LNPEP: variants seen among roughly 807,000 people sequenced by gnomAD.
LNPEP encodes the protein leucyl and cystinyl aminopeptidase, also known as leucyl-cystinyl aminopeptidase.
LNPEP carries 64 observed loss-of-function variants against 120.6 expected under a neutral mutation model. That is an observed-to-expected ratio of 0.53 (90% CI 0.43 to 0.65). The LOEUF is 0.65. Among genes scored for constraint, LNPEP ranks in the 30% least tolerant of loss-of-function variants. The pLI, the probability that LNPEP is intolerant of heterozygous loss-of-function variation, is 0.00. For missense variants in LNPEP, 1,057 were observed against 1,200.0 expected (o/e 0.88, Z 1.76); for synonymous variants, 435 against 425.4 (o/e 1.02, Z -0.28).
At chr5:96,937,043 A>C (rs1788917477) in intron 1 of LNPEP, 1 of 152,172 alleles carries the variant, frequency 6.6e-6, no homozygotes, top group Admixed American at 6.5e-5. Flanking sequence ...TGCGGTGTTG[A>C]GTGTGTGGAT....
At chr5:96,963,716 T>G (rs955229709) in intron 1 of LNPEP, among the ~76,000 whole-genome samples, 2 of 152,206 alleles carry the variant, frequency 1.3e-5, no homozygotes, top group African/African-American at 2.4e-5. Flanking sequence ...AATTGGAGAT[T>G]AATAGCAAAT....
At chr5:96,954,705 TATATACAC>T (rs1337295235) in intron 1 of LNPEP, among the ~76,000 whole-genome samples, 6 of 106,220 alleles carry the variant, frequency 5.6e-5, no homozygotes, top group Admixed American at 9.9e-5. Flanking sequence ...CATATATACA[TATATACAC>T]ATATATATAC....
chr5:97,003,471 T>C lies in LNPEP; in HGVS notation c.1710T>C (p.His570=). 6.2e-7 allele frequency: 1 copy of C among 1,602,932 alleles called. No individual in the cohort carries two copies. Among genetic ancestry groups the C allele is most frequent in the Non-Finnish European group, 8.5e-7 (1 of 1,171,592 alleles). ...KTYLSEDVFQ[H]AVVLYLHNHS... ...ACCTTAGTGAAGATGTGTTTCAACA[T>C]GCTGTTGTCCTTTACCTGCATAATC... Residue 570 remains histidine, a synonymous_variant, in exon 9 of 18, where the codon CAT becomes CAC. Coordinates refer to ENST00000231368, the MANE Select transcript of LNPEP (RefSeq NM_005575.3).
In LNPEP at chr5:97,035,810, T is replaced by C. The variant is rs1032970834; in HGVS notation, c.*7277T>C. ...TATTAATGTAACTAATAGCAACAGG[T>C]GTGCAGCAGATAAGACAGGAGAAGA... On this transcript the variant is annotated 3_prime_UTR_variant, in exon 18 of 18. Transcript: ENST00000231368. 6.6e-6 allele frequency: 1 copy of C among 152,082 alleles called. No individual in the cohort carries two copies. The highest frequency in any genetic ancestry group is 6.6e-5 in the Admixed American group (1 of 15,258). 9.4% of individuals were successfully genotyped at this position (152,082 alleles called of 1,614,324 possible). A position where few individuals can be genotyped will look rare whatever the true frequency, so the allele number is the denominator to read the frequency against.
intron 1 of LNPEP, among the ~76,000 whole-genome samples, chr5:96,946,727 A>G (rs1561426978): frequency 3.3e-5 from 5 of 152,210 alleles, no homozygotes; most frequent in Admixed American, 2.6e-4. Flanking sequence ...TGTTACTATA[A>G]AGACTGAAGA....
rs1481671071 is a variant in LNPEP, at chr5:97,032,814, T to C, written c.*4281T>C. ...GATGTCCCCTTTGCGTTTCTCCTTA[T>C]TGTTCGCATGGACAATAACTGACAG... On this transcript the variant is annotated 3_prime_UTR_variant, in exon 18 of 18. Transcript: ENST00000231368. 2 of 152,228 alleles carry C rather than the reference T, an allele frequency of 1.3e-5. No homozygotes were observed. Among genetic ancestry groups the C allele is most frequent in the African/African-American group, 4.8e-5 (2 of 41,460 alleles). 9.4% of individuals were successfully genotyped at this position (152,228 alleles called of 1,614,324 possible).
At chr5:96,975,209 C>G (rs1789959529) in intron 1 of LNPEP, among the ~76,000 whole-genome samples, 1 of 152,132 alleles carries the variant, frequency 6.6e-6, no homozygotes, top group African/African-American at 2.4e-5. Context: ...CTCTATTAAT[C>G]AAACATCTCC....
intron 1 of LNPEP, among the ~76,000 whole-genome samples, chr5:96,943,423 A>G (rs1024680097): frequency 1.3e-5 from 2 of 152,122 alleles, no homozygotes; most frequent in African/African-American, 4.8e-5. Context: ...AGTAACTGGG[A>G]CCACAGGTGC....
rs1791456633 is a variant in LNPEP, at chr5:97,030,898, C to G, written c.*2365C>G. On this transcript the variant is annotated 3_prime_UTR_variant, in exon 18 of 18. Coordinates refer to ENST00000231368, the MANE Select transcript of LNPEP (RefSeq NM_005575.3). Reference sequence around the variant, plus strand: ...AGAATTCCATAATTTTAATGTTGAACTAACCCATCTATATAGGACTTCTAA... The same window carrying G: ...AGAATTCCATAATTTTAATGTTGAAGTAACCCATCTATATAGGACTTCTAA... 6.6e-6 allele frequency: 1 copy of G among 151,870 alleles called. No individual in the cohort carries two copies. The highest frequency in any genetic ancestry group is 1.5e-5 in the Non-Finnish European group (1 of 67,968). 9.4% of individuals were successfully genotyped at this position (151,870 alleles called of 1,614,324 possible).
rs1790902863 is a variant in LNPEP at position 97,010,589 on chromosome 5, G to T, written c.2036-3059G>T. 10 of 985,096 alleles carry T rather than the reference G, an allele frequency of 1.0e-5. 1 individual carries two copies. In the African/African-American group the frequency reaches 1.0e-4, roughly 10 times the overall value. 61.0% of individuals were successfully genotyped at this position (985,096 alleles called of 1,614,324 possible). ...AGTAAAAACGGGTTTTTTAGTTTCA[G>T]AACTTTAGTTTTTTTGTAAAACAGT... On this transcript the variant is annotated intron_variant, in intron 11 of 17. Transcript: ENST00000231368.
intron 4 of LNPEP, among the ~76,000 whole-genome samples, chr5:96,991,029 C>G (rs922334347): frequency 5.9e-5 from 9 of 151,946 alleles, no homozygotes; most frequent in African/African-American, 2.2e-4. Context: ...TAGACTGCAC[C>G]CAATGTGTAA....
chr5:97,022,660 A>C (rs1333153285), intron 14 of LNPEP, among the ~76,000 whole-genome samples, 176 bp downstream of exon 14: 6 of 151,042 alleles, frequency 4.0e-5, no homozygotes, highest in Non-Finnish European at 7.4e-5. Context: ...ATTATACTTT[A>C]AGTTTTAGGG....
At chr5:96,943,433 C>T (rs776893797) in intron 1 of LNPEP, among the ~76,000 whole-genome samples, 1 of 152,100 alleles carries the variant, frequency 6.6e-6, no homozygotes, top group African/African-American at 2.4e-5. Flanking sequence ...ACCACAGGTG[C>T]ACACCACCAT....
At chr5:96,988,648 C>A (rs188495847) in intron 4 of LNPEP, among the ~76,000 whole-genome samples, 1 of 152,018 alleles carries the variant, frequency 6.6e-6, no homozygotes, top group East Asian at 1.9e-4. Flanking sequence ...TCTCACTCTG[C>A]CACCCAGGCT....
chr5:96,995,264 T>A (rs1234468202), intron 6 of LNPEP, among the ~76,000 whole-genome samples: 1 of 152,194 alleles, frequency 6.6e-6, no homozygotes, highest in African/African-American at 2.4e-5. Context: ...TAAAATAATA[T>A]CTTAGAAAAA....
At chr5:96,939,451 C>T (rs1271582229) in intron 1 of LNPEP, among the ~76,000 whole-genome samples, 1 of 152,090 alleles carries the variant, frequency 6.6e-6, no homozygotes, top group African/African-American at 2.4e-5. Flanking sequence ...AAGTGATCCG[C>T]TCACCTTAGC....
intron 11 of LNPEP, among the ~76,000 whole-genome samples, chr5:97,008,758 G>A (rs976186612): frequency 1.2e-4 from 18 of 144,932 alleles, no homozygotes; most frequent in African/African-American, 4.6e-4. Context: ...TCCGCCTCCC[G>A]GGTTCACGTC....
At position 96,986,574 on chromosome 5, in the gene LNPEP, G is replaced by A. The variant is rs373493695; in HGVS notation, c.1035G>A (p.Gln345=). Residue 345 remains glutamine (Q), a synonymous_variant, in exon 4 of 18, where the codon CAG becomes CAA. Transcript: ENST00000231368. The stretch of plus-strand genomic sequence containing the variant: ...TCGTTCTAGATGATGGACTTGTTCA[G>A]GATGAGTTTTCTGAGAGTGTGAAGA... ...SSVVLDDGLV[Q]DEFSESVKMS... 10 of 1,613,498 alleles carry A rather than the reference G, an allele frequency of 6.2e-6. No individual in the cohort carries two copies. Among genetic ancestry groups the A allele is most frequent in the Middle Eastern group, 1.6e-4 (1 of 6,076 alleles).
At chr5:96,942,846 A>G (rs1346153517) in intron 1 of LNPEP, 1 of 152,880 alleles carries the variant, frequency 6.5e-6, no homozygotes, top group Non-Finnish European at 1.5e-5. Flanking sequence ...CACGTTGTGC[A>G]CATGTACCCT....
Sources: allele counts gnomAD v4.1 joint callset (sites outside exome capture counted in the v4.1 genomes callset), GRCh38; gene constraint gnomAD v4.1.1; transcripts MANE v1.5; gene names NCBI Gene and HGNC (gene_info 2026-07-23, HGNC 2026-07-21).